DPP10: variants seen among roughly 807,000 people sequenced by gnomAD.
DPP10 encodes the protein dipeptidyl peptidase like 10, also known as inactive dipeptidyl peptidase 10.
DPP10 carries 33 observed loss-of-function variants against 120.9 expected under a neutral mutation model. That is an observed-to-expected ratio of 0.27 (90% CI 0.21 to 0.37). The LOEUF (loss-of-function observed/expected upper bound fraction) is 0.37. DPP10 is among the 10% of genes least tolerant of loss of function. The probability of loss-of-function intolerance (pLI) is 1.00; values close to 1 mark genes in which losing one functional copy is unlikely to be tolerated. For synonymous variants in DPP10, 337 were observed against 326.1 expected, an observed-to-expected ratio of 1.03 and a Z score of -0.36; for missense variants, 816 against 942.8, an observed-to-expected ratio of 0.87 and a Z score of 1.76.
intron 3 of DPP10, among the ~76,000 whole-genome samples, chr2:115,383,393 C>T (rs1391286841): frequency 6.6e-6 from 1 of 152,190 alleles, no homozygotes; most frequent in Non-Finnish European, 1.5e-5. Context: ...ATTGTGAGTC[C>T]TCCCCAGCCA....
chr2:115,362,702 A>ATG (rs1242098121), intron 3 of DPP10, among the ~76,000 whole-genome samples: 1 of 152,206 alleles, frequency 6.6e-6, no homozygotes, highest in Admixed American at 6.5e-5. Context: ...GTTTATCGCC[A>ATG]TGTCAACATA....
intron 1 of DPP10, among the ~76,000 whole-genome samples, chr2:115,251,189 C>A (rs780892076): frequency 1.2e-4 from 18 of 152,316 alleles, no homozygotes; most frequent in Non-Finnish European, 2.2e-4. Context: ...TAAACACTTT[C>A]TCCAATTTAC....
chr2:115,066,993 A>G (rs1706893730), intron 1 of DPP10, among the ~76,000 whole-genome samples: 1 of 152,164 alleles, frequency 6.6e-6, no homozygotes, highest in Non-Finnish European at 1.5e-5. Flanking sequence ...GGTATGGTCT[A>G]TTGGATTTCC....
At chr2:115,213,936 A>G (rs1429456663) in intron 1 of DPP10, among the ~76,000 whole-genome samples, 1 of 151,884 alleles carries the variant, frequency 6.6e-6, no homozygotes, top group Non-Finnish European at 1.5e-5. Context: ...ATGGAAATAG[A>G]GGCAGGATTT....
intron 1 of DPP10, among the ~76,000 whole-genome samples, chr2:115,014,825 G>T (rs1411180397): frequency 1.5e-5 from 2 of 137,540 alleles, no homozygotes; most frequent in Non-Finnish European, 3.1e-5. Context: ...CCAATAACAA[G>T]TTCTGAAATT....
At chr2:114,837,589 A>C (rs565046629) in intron 1 of DPP10, among the ~76,000 whole-genome samples, 23 of 152,336 alleles carry the variant, frequency 1.5e-4, no homozygotes, top group African/African-American at 5.5e-4. Context: ...TGTCAAAAAA[A>C]AAAATGTGAA....
chr2:115,652,651 C>G (rs1343468040), intron 5 of DPP10, among the ~76,000 whole-genome samples: 2 of 151,816 alleles, frequency 1.3e-5, no homozygotes, highest in African/African-American at 2.4e-5. Flanking sequence ...AGTTTATAGA[C>G]TGAGTGCAAA....
At chr2:114,706,386 A>C (rs1700686740) in intron 1 of DPP10, among the ~76,000 whole-genome samples, 1 of 152,234 alleles carries the variant, frequency 6.6e-6, no homozygotes, top group African/African-American at 2.4e-5. Flanking sequence ...GGAAGCCAGA[A>C]TTCAAAAATA....
chr2:115,468,585 C>G (rs145375505), intron 3 of DPP10: 6 of 394,076 alleles, frequency 1.5e-5, no homozygotes, highest in African/African-American at 1.2e-4. Context: ...GATGGTGGCC[C>G]GGGGAGTTCT....
chr2:115,201,024 G>A (rs1341496938), intron 1 of DPP10, among the ~76,000 whole-genome samples: 1 of 152,150 alleles, frequency 6.6e-6, no homozygotes, highest in Non-Finnish European at 1.5e-5. Flanking sequence ...CAATTATCCA[G>A]TCCTACTTTG....
At chr2:114,771,622 A>C (rs893444144) in intron 1 of DPP10, among the ~76,000 whole-genome samples, 4 of 152,222 alleles carry the variant, frequency 2.6e-5, no homozygotes, top group African/African-American at 9.6e-5. Context: ...ATAGGTGAAT[A>C]GAAGGAAGGA....
intron 5 of DPP10, among the ~76,000 whole-genome samples, chr2:115,553,132 C>T (rs1416680859): frequency 1.3e-5 from 2 of 152,068 alleles, no homozygotes; most frequent in African/African-American, 2.4e-5. Flanking sequence ...TTTCAATGTA[C>T]ACTCTTGCAT....
chr2:115,329,283 T>A (rs1164098072), intron 2 of DPP10, among the ~76,000 whole-genome samples: 1 of 151,986 alleles, frequency 6.6e-6, no homozygotes, highest in African/African-American at 2.4e-5. Flanking sequence ...AAAATATGGC[T>A]TTCTGTATGA....
intron 3 of DPP10, among the ~76,000 whole-genome samples, chr2:115,434,769 T>C (rs2071331220): frequency 6.6e-6 from 1 of 151,800 alleles, no homozygotes; most frequent in African/African-American, 2.4e-5. Flanking sequence ...TGTCAATCAC[T>C]AGAACTTATT....
At chr2:115,449,007 G>A (rs1016187818) in intron 3 of DPP10, among the ~76,000 whole-genome samples, 1 of 151,980 alleles carries the variant, frequency 6.6e-6, no homozygotes, top group Admixed American at 6.6e-5. Context: ...AATATTTGTT[G>A]AATGAATAAA....
intron 1 of DPP10, among the ~76,000 whole-genome samples, chr2:114,650,260 C>A (rs1009177306): frequency 3.3e-5 from 5 of 152,082 alleles, no homozygotes; most frequent in Non-Finnish European, 7.4e-5. Context: ...GGTGTCAGAA[C>A]TATAGAGTGA....
intron 5 of DPP10, among the ~76,000 whole-genome samples, chr2:115,632,383 G>A (rs1235002543): frequency 6.6e-6 from 1 of 151,888 alleles, no homozygotes; most frequent in Non-Finnish European, 1.5e-5. Flanking sequence ...TTTGATCAGG[G>A]CATTTAGCAT....
intron 5 of DPP10, among the ~76,000 whole-genome samples, chr2:115,628,287 T>G (rs987155323): frequency 6.6e-6 from 1 of 152,190 alleles, no homozygotes; most frequent in African/African-American, 2.4e-5. Flanking sequence ...GAGCTTTTTT[T>G]CATGCTTCTT....
intron 1 of DPP10, among the ~76,000 whole-genome samples, chr2:114,826,889 T>C (rs1440617776): frequency 2.0e-5 from 3 of 152,144 alleles, no homozygotes; most frequent in South Asian, 4.1e-4. Context: ...AGAAACATGA[T>C]TGGATAACAG....
Sources: gnomAD v4.1 joint callset for allele counts (sites outside exome capture counted in the v4.1 genomes callset) on GRCh38, gnomAD v4.1.1 for gene constraint, MANE v1.5 for transcripts, NCBI Gene and HGNC (gene_info 2026-07-23, HGNC 2026-07-21) for gene names.